The following ST6GALNAC3 variants were observed in gnomAD, a reference collection of about 807,000 sequenced individuals.
ST6GALNAC3 encodes the protein alpha-N-acetylgalactosaminide alpha-2,6-sialyltransferase 3.
ST6GALNAC3 carries 25 observed loss-of-function variants against 32.7 expected under a neutral mutation model. The observed-to-expected ratio is 0.76, with a 90% CI of 0.56 to 1.07. ST6GALNAC3 has a LOEUF of 1.07. ST6GALNAC3 is among the 50% of genes least tolerant of loss of function. ST6GALNAC3 has a pLI of 0.00. For synonymous variants in ST6GALNAC3, 129 were observed against 133.1 expected (o/e 0.97, Z 0.21); for missense variants, 355 against 382.4 (o/e 0.93, Z 0.60).
intron 1 of ST6GALNAC3, among the ~76,000 whole-genome samples, chr1:76,161,141 A>T (rs1651775947): frequency 6.6e-6 from 1 of 152,216 alleles, no homozygotes; most frequent in Admixed American, 6.5e-5. Context: ...CAGACTTCAG[A>T]TTCTTTCCAA....
At chr1:76,315,705 A>G (rs1646852293) in intron 2 of ST6GALNAC3, among the ~76,000 whole-genome samples, 1 of 152,072 alleles carries the variant, frequency 6.6e-6, no homozygotes, top group Non-Finnish European at 1.5e-5. Flanking sequence ...TAAGCAGTAT[A>G]TTTGCTTTTG....
At chr1:76,125,947 G>C (rs1012731145) in intron 1 of ST6GALNAC3, among the ~76,000 whole-genome samples, 1 of 152,184 alleles carries the variant, frequency 6.6e-6, no homozygotes, top group South Asian at 2.1e-4. Flanking sequence ...AATTGAGCGG[G>C]CCCTGCAGAA....
intron 2 of ST6GALNAC3, among the ~76,000 whole-genome samples, chr1:76,378,441 C>A (rs572318359): frequency 4.1e-4 from 62 of 152,242 alleles, no homozygotes; most frequent in African/African-American, 1.4e-3. Flanking sequence ...GTGGGCAGAT[C>A]ACCTGAGGCC....
intron 1 of ST6GALNAC3, among the ~76,000 whole-genome samples, chr1:76,108,791 T>TA (rs1371125375): frequency 1.3e-5 from 2 of 152,146 alleles, no homozygotes; most frequent in Non-Finnish European, 2.9e-5. Context: ...GTGGGTTAAG[T>TA]ATTTGCAAAA....
chr1:76,443,017 A>G (rs1349464400), intron 3 of ST6GALNAC3, among the ~76,000 whole-genome samples: 3 of 152,196 alleles, frequency 2.0e-5, no homozygotes, highest in African/African-American at 4.8e-5. Context: ...TCTGACATCT[A>G]CAGTTTCACA....
At chr1:76,090,907 A>G (rs375797598) in intron 1 of ST6GALNAC3, among the ~76,000 whole-genome samples, 1 of 152,186 alleles carries the variant, frequency 6.6e-6, no homozygotes, top group Admixed American at 6.5e-5. Context: ...GGAGTAGAAT[A>G]TTCTTCTATT....
chr1:76,321,398 C>T (rs1646963956), intron 2 of ST6GALNAC3, among the ~76,000 whole-genome samples: 1 of 152,082 alleles, frequency 6.6e-6, no homozygotes, highest in Non-Finnish European at 1.5e-5. Context: ...TTGAAGGCAG[C>T]CTCCCCTCCC....
In ST6GALNAC3 at chr1:76,503,356, G is replaced by A. The variant is rs80046639; in HGVS notation, c.623+90939G>A. ...TCTGCCGCAGTCAGGCAGGAAGAAC[G>A]CCCACTGGGGCCTGCTCATTTGCTT... On this transcript the variant is annotated intron_variant, in intron 3 of 4. Coordinates refer to ENST00000328299, the MANE Select transcript of ST6GALNAC3 (RefSeq NM_152996.4). Among the ~76,000 whole-genome samples, 1,411 of 152,316 alleles carry A rather than the reference G, an allele frequency of 9.3e-3. 31 individuals are homozygous for A. Among genetic ancestry groups the A allele is most frequent in the Admixed American group, 0.052 (791 of 15,296 alleles).
At chr1:76,417,254 G>A (rs1474032182) in intron 3 of ST6GALNAC3, among the ~76,000 whole-genome samples, 2 of 142,868 alleles carry the variant, frequency 1.4e-5, no homozygotes, top group African/African-American at 5.2e-5. Context: ...TAGGTTCATT[G>A]GTTAGTGGTC....
At chr1:76,278,370 C>T (rs1340517348) in intron 1 of ST6GALNAC3, among the ~76,000 whole-genome samples, 2 of 151,810 alleles carry the variant, frequency 1.3e-5, no homozygotes, top group East Asian at 1.9e-4. Flanking sequence ...TACAGGGGCC[C>T]GCCACCATGC....
intron 1 of ST6GALNAC3, among the ~76,000 whole-genome samples, chr1:76,107,730 CAT>C (rs1347302107): frequency 2.6e-5 from 4 of 152,160 alleles, no homozygotes; most frequent in Non-Finnish European, 5.9e-5. Flanking sequence ...ATGGGCGACC[CAT>C]GTGTGTGGGC....
intron 1 of ST6GALNAC3, among the ~76,000 whole-genome samples, chr1:76,214,694 T>C (rs917223909): frequency 2.0e-5 from 3 of 152,210 alleles, no homozygotes; most frequent in African/African-American, 7.2e-5. Flanking sequence ...ACAAATAACT[T>C]TTGAATGACT....
At chr1:76,608,743 T>C (rs1392414788) in intron 3 of ST6GALNAC3, among the ~76,000 whole-genome samples, 1 of 152,132 alleles carries the variant, frequency 6.6e-6, no homozygotes, top group Non-Finnish European at 1.5e-5. Context: ...GAATTCCGTT[T>C]ATGTTACCAA....
At chr1:76,616,618 G>A (rs1167870701) in intron 3 of ST6GALNAC3, among the ~76,000 whole-genome samples, 2 of 152,150 alleles carry the variant, frequency 1.3e-5, no homozygotes, top group African/African-American at 4.8e-5. Context: ...TTGGAAAAAT[G>A]ACAGGCTTTA....
intron 3 of ST6GALNAC3, chr1:76,577,250 G>T: frequency 2.0e-6 from 2 of 996,112 alleles, no homozygotes; most frequent in Non-Finnish European, 2.4e-6. Flanking sequence ...CAGGACTACT[G>T]AATGGAGAGC....
intron 3 of ST6GALNAC3, among the ~76,000 whole-genome samples, chr1:76,458,053 C>A (rs1657979589): frequency 6.7e-6 from 1 of 148,310 alleles, no homozygotes; most frequent in African/African-American, 2.5e-5. Context: ...AAACAAACAA[C>A]CCCATCAAAA....
intron 3 of ST6GALNAC3, among the ~76,000 whole-genome samples, chr1:76,428,515 T>G (rs1383063748): frequency 6.6e-6 from 1 of 152,096 alleles, no homozygotes; most frequent in Non-Finnish European, 1.5e-5. Context: ...TGGTTGTAGT[T>G]TTGTTGTTCT....
chr1:76,099,222 T>A (rs1226392200), intron 1 of ST6GALNAC3, among the ~76,000 whole-genome samples: 3 of 152,186 alleles, frequency 2.0e-5, no homozygotes, highest in African/African-American at 7.2e-5. Context: ...TTGCTGTTTC[T>A]CTTTAAGGTG....
intron 3 of ST6GALNAC3, among the ~76,000 whole-genome samples, chr1:76,422,854 G>A (rs749643226): frequency 3.3e-5 from 5 of 151,768 alleles, no homozygotes; most frequent in Admixed American, 6.6e-5. Flanking sequence ...TATTTTTCAC[G>A]GCGAGGAGTT....
Sources: gnomAD v4.1 joint callset for allele counts (sites outside exome capture counted in the v4.1 genomes callset) on GRCh38, gnomAD v4.1.1 for gene constraint, MANE v1.5 for transcripts, NCBI Gene and HGNC (gene_info 2026-07-23, HGNC 2026-07-21) for gene names.